MAP3K15: variants seen among roughly 807,000 people sequenced by gnomAD.
MAP3K15 encodes the protein MAPK/ERK kinase kinase 15.
In MAP3K15, 124 loss-of-function variants were observed where a neutral mutation model predicts 99.5. That is an observed-to-expected ratio of 1.25 (90% confidence interval 1.08 to 1.45). The LOEUF (loss-of-function observed/expected upper bound fraction) is 1.45, where lower values mean the gene tolerates loss of function less well. Among genes scored for constraint, MAP3K15 ranks in the 40% most tolerant of loss-of-function variants. MAP3K15 has a pLI of 0.00. For synonymous variants in MAP3K15, 494 were observed against 439.6 expected, an observed-to-expected ratio of 1.12 and a Z score of -1.55; for missense variants, 1,242 against 1,079.7, an observed-to-expected ratio of 1.15 and a Z score of -2.11.
chrX:19,477,110 C>G (rs1825980210), intron 3 of MAP3K15, among the ~76,000 whole-genome samples: 1 of 111,880 alleles, frequency 8.9e-6, no homozygotes, highest in African/African-American at 3.3e-5. Flanking sequence ...TGAATTATGT[C>G]TCGATTTAAA....
chrX:19,481,234 A>T (rs2064287671), intron 3 of MAP3K15, among the ~76,000 whole-genome samples: 1 of 109,367 alleles, frequency 9.1e-6, no homozygotes, highest in Admixed American at 9.8e-5. Flanking sequence ...CAGTCAATTG[A>T]TTTTGACGAG....
chrX:19,367,788 G>A (rs75269842), intron 25 of MAP3K15, among the ~76,000 whole-genome samples: 110 of 75,772 alleles, frequency 1.5e-3, no homozygotes, highest in Non-Finnish European at 2.3e-3. Flanking sequence ...TCATGCTGTC[G>A]CCCAGGCTGG....
At chrX:19,424,229 TAC>T (rs200562927) in intron 9 of MAP3K15, among the ~76,000 whole-genome samples, 1,906 of 101,232 alleles carry the variant, frequency 0.019, 45 homozygotes, top group African/African-American at 0.077. Context: ...CACATATATG[TAC>T]ACACATATAT....
intron 7 of MAP3K15, among the ~76,000 whole-genome samples, chrX:19,428,918 G>A (rs778666722): frequency 7.1e-4 from 78 of 109,595 alleles, no homozygotes; most frequent in African/African-American, 2.5e-3. Context: ...GCAGTGAGCC[G>A]AGATCACACC....
intron 1 of MAP3K15, among the ~76,000 whole-genome samples, chrX:19,490,142 C>T (rs1292639245): frequency 5.2e-5 from 3 of 57,649 alleles, no homozygotes; most frequent in Admixed American, 1.7e-4. Flanking sequence ...AGGCATTATA[C>T]ACACACACAC....
At chrX:19,361,121 C>T in intron 28 of MAP3K15, 1 of 422,900 alleles carries the variant, frequency 2.4e-6, no homozygotes, top group Non-Finnish European at 4.1e-6. Flanking sequence ...CCCAGCCAGG[C>T]ATTAATGGCA....
chrX:19,459,716 G>A (rs1482213968), intron 5 of MAP3K15, among the ~76,000 whole-genome samples: 2 of 111,929 alleles, frequency 1.8e-5, no homozygotes, highest in African/African-American at 6.5e-5. Flanking sequence ...TGGGCATGGT[G>A]GCGCATGCCT....
chrX:19,372,883 G>C, intron 21 of MAP3K15, 56 bp from the exon 22 acceptor site: 1 of 1,126,393 alleles, frequency 8.9e-7, no homozygotes, highest in Non-Finnish European at 1.2e-6. Flanking sequence ...GTCCCTGGGA[G>C]TGTGTCATGT....
intron 25 of MAP3K15, among the ~76,000 whole-genome samples, chrX:19,368,739 T>C (rs1024773260): frequency 1.8e-5 from 2 of 111,530 alleles, no homozygotes; most frequent in African/African-American, 3.3e-5. Flanking sequence ...GGGCCCCGTC[T>C]TGGTGAAAAG....
At chrX:19,514,471 G>A (rs1182234989) in intron 1 of MAP3K15, among the ~76,000 whole-genome samples, 1 of 73,916 alleles carries the variant, frequency 1.4e-5, no homozygotes, top group Non-Finnish European at 2.5e-5. Context: ...AGGGCACAAT[G>A]TTAAAGACTC....
chrX:19,361,469 A>C (rs1297308957), intron 27 of MAP3K15, 24 bp downstream of exon 27: 1 of 1,200,139 alleles, frequency 8.3e-7, no homozygotes, highest in Non-Finnish European at 1.1e-6. Context: ...CAACAGCATA[A>C]GAATTTCTTT....
chrX:19,430,149 T>C (rs1456935436), intron 7 of MAP3K15, among the ~76,000 whole-genome samples: 1 of 112,392 alleles, frequency 8.9e-6, no homozygotes, highest in Non-Finnish European at 1.9e-5. Context: ...TCCACCCTTT[T>C]GAATGTGGGC....
Position 19,515,227 on chromosome X carries a change from G to A in MAP3K15, c.35C>T (p.Ala12Val). The change falls in exon 1 of 29, where the codon GCC (alanine) becomes GTC (valine). Residue 12 changes from alanine to valine, a missense_variant. Physicochemically the swap from Ala to Val is moderately conservative, Grantham distance 64. Coordinates refer to ENST00000338883, the MANE Select transcript of MAP3K15 (RefSeq NM_001001671.4). ...ESGGGNAPAG[A>V]LGAASESPQC... ...AGGGGACTCGCTCGCCGCCCCGAGG[G>A]CCCCGGCCGGAGCATTCCCACCGCC... 1.1e-6 allele frequency: 1 copy of A among 890,918 alleles called. No homozygotes were observed. 73.4% of individuals were successfully genotyped at this position (890,918 alleles called of 1,213,427 possible).
At chrX:19,457,470 G>C (rs1391064877) in intron 5 of MAP3K15, among the ~76,000 whole-genome samples, 1 of 110,925 alleles carries the variant, frequency 9.0e-6, no homozygotes, top group African/African-American at 3.3e-5. Flanking sequence ...AATATAGCTG[G>C]GCATGGTGGC....
Position 19,362,823 on chromosome X carries a change from C to A in MAP3K15, c.3594G>T (p.Glu1198Asp). 1 of 1,160,715 alleles carries A rather than the reference C, an allele frequency of 8.6e-7. No homozygotes were observed. Among genetic ancestry groups the A allele is most frequent in the Non-Finnish European group, 1.2e-6 (1 of 858,759 alleles). Residue 1198 changes from glutamate (E) to aspartate (D), a missense_variant, in exon 26 of 29, where the codon GAG becomes GAT. Physicochemically the swap from Glu to Asp is conservative, Grantham distance 45. Transcript: ENST00000338883. ...GCCGCAGAAGATTCTGGTACTCTCTCTCTTTTTCAACTAGGTGTTCCAAAA... is the reference window on the plus strand; with the variant it reads ...GCCGCAGAAGATTCTGGTACTCTCTATCTTTTTCAACTAGGTGTTCCAAAA... ...NRLLEHLVEK[E>D]REYQNLLRQT...
At chrX:19,390,863 A>G (rs751703790) in intron 18 of MAP3K15, among the ~76,000 whole-genome samples, 2 of 110,542 alleles carry the variant, frequency 1.8e-5, no homozygotes, top group South Asian at 7.6e-4. Context: ...ATCAAGCAAG[A>G]TCTTTGTGAT....
chrX:19,489,080 G>A, intron 1 of MAP3K15, 113 bp from the exon 2 acceptor site: 3 of 672,766 alleles, frequency 4.5e-6, no homozygotes, highest in East Asian at 6.7e-5. Flanking sequence ...TCATCAGCCT[G>A]TTAGGTAAAG....
At chrX:19,470,985 G>C (rs762882584) in intron 3 of MAP3K15, among the ~76,000 whole-genome samples, 2 of 111,821 alleles carry the variant, frequency 1.8e-5, no homozygotes, top group Non-Finnish European at 3.8e-5. Context: ...TAGGAATTCT[G>C]AAGTTGAAAA....
At chrX:19,407,779 G>T (rs747865974) in intron 12 of MAP3K15, among the ~76,000 whole-genome samples, 1 of 112,071 alleles carries the variant, frequency 8.9e-6, no homozygotes, top group African/African-American at 3.2e-5. Context: ...CTCCACCCAG[G>T]GTCTGTACCT....
Sources: allele counts gnomAD v4.1 joint callset (sites outside exome capture counted in the v4.1 genomes callset), GRCh38; gene constraint gnomAD v4.1.1; transcripts MANE v1.5; gene names NCBI Gene and HGNC (gene_info 2026-07-23, HGNC 2026-07-21).